USP28: variants seen among roughly 807,000 people sequenced by gnomAD.
The protein encoded by USP28 is ubiquitin carboxyl-terminal hydrolase 28.
Under a neutral mutation model 145.0 loss-of-function variants are expected in USP28, and 113 were observed. That is an observed-to-expected ratio of 0.78 (90% CI 0.67 to 0.91). The LOEUF (loss-of-function observed/expected upper bound fraction) is 0.91, where lower values mean the gene tolerates loss of function less well. Among genes scored for constraint, USP28 ranks in the 40% least tolerant of loss-of-function variants. The pLI, the probability that USP28 is intolerant of heterozygous loss-of-function variation, is 0.00. For missense variants in USP28, 1,201 were observed against 1,289.6 expected (o/e 0.93, Z 1.05); for synonymous variants, 447 against 450.9 (o/e 0.99, Z 0.11).
At chr11:113,850,223 G>C (rs929031428) in intron 3 of USP28, among the ~76,000 whole-genome samples, 1 of 151,990 alleles carries the variant, frequency 6.6e-6, no homozygotes, top group Non-Finnish European at 1.5e-5. Context: ...GAAGATAAGC[G>C]TATCTTAATA....
At chr11:113,834,148 G>T in intron 6 of USP28, 101 bp downstream of exon 6, 1 of 808,792 alleles carries the variant, frequency 1.2e-6, no homozygotes, top group Non-Finnish European at 1.9e-6. Context: ...ATTAGCACAA[G>T]CCAAAGAGTA....
chr11:113,873,228 G>T (rs929097111), intron 1 of USP28, among the ~76,000 whole-genome samples: 1 of 152,194 alleles, frequency 6.6e-6, no homozygotes, highest in African/African-American at 2.4e-5. Context: ...TACTTTTCCT[G>T]TAAGTTCCTT....
intron 19 of USP28, 33 bp from the exon 21 acceptor site, chr11:113,805,079 G>A: frequency 6.2e-7 from 1 of 1,604,520 alleles, no homozygotes; most frequent in East Asian, 2.2e-5. Flanking sequence ...TTAGAAAATA[G>A]TGTGCTGTGG....
At chr11:113,799,379 C>A in exon 25 of USP28, 1 of 1,614,172 alleles carries the variant, frequency 6.2e-7, no homozygotes, top group Non-Finnish European at 8.5e-7. Context: ...ATCTAGAAGT[C>A]TGGGTAGAAA....
At chr11:113,804,578 GT>G in intron 21 of USP28, 94 bp downstream of exon 22, 2 of 1,131,912 alleles carry the variant, frequency 1.8e-6, no homozygotes, top group African/African-American at 3.1e-5. Flanking sequence ...GAACAAGTCA[GT>G]TTGTAATAGC....
chr11:113,840,762 A>G lies in USP28; in HGVS notation c.375-5T>C, dbSNP rs751665706. ...GCAGAGGTTGCTTCATGCATCCTAT[A>G]TTGTGCAGCGTGCCACACAGCAAAA... On this transcript the variant is annotated splice_polypyrimidine_tract_variant and splice_region_variant and intron_variant, in intron 4 of 24. Coordinates refer to ENST00000003302, the Ensembl canonical transcript of USP28. The G allele has an allele frequency of 8.7e-6, 14 of 1,611,842 alleles. No homozygotes were observed. In the South Asian group the frequency reaches 1.5e-4, roughly 18 times the overall value.
At position 113,813,948 on chromosome 11, in the gene USP28, C is replaced by T. The variant is rs137875806; in HGVS notation, c.1680G>A (p.Lys560=). 19 of 1,605,176 alleles carry T rather than the reference C, an allele frequency of 1.2e-5. No individual in the cohort carries two copies. In the South Asian group the frequency reaches 2.1e-4, roughly 18 times the overall value. Residue 560 remains lysine (K), a synonymous_variant, in exon 15 of 25, where the codon AAG becomes AAA. Transcript: ENST00000003302. ...TCTGAGTAGTACTTGCAATACAAGT[C>T]TTTAAATCTGTTTGGAAAAAGAAAA...
At chr11:113,818,038 T>C (rs1459547685) in intron 12 of USP28, 2 of 466,890 alleles carry the variant, frequency 4.3e-6, no homozygotes, top group Non-Finnish European at 7.4e-6. Context: ...CAATCTGAAG[T>C]TTTATATCTG....
At chr11:113,818,375 T>C (rs575082302) in intron 12 of USP28, among the ~76,000 whole-genome samples, 2 of 152,042 alleles carry the variant, frequency 1.3e-5, no homozygotes, top group Admixed American at 6.5e-5. Flanking sequence ...ATGGTCTCGA[T>C]CTCCTGACTT....
chr11:113,825,190 G>A (rs958362961), intron 11 of USP28, among the ~76,000 whole-genome samples: 6 of 152,094 alleles, frequency 3.9e-5, no homozygotes, highest in Non-Finnish European at 5.9e-5. Flanking sequence ...CCAGACAACA[G>A]ACAGAACAGA....
chr11:113,806,022 G>A (rs1032658682), intron 19 of USP28, among the ~76,000 whole-genome samples: 18 of 151,864 alleles, frequency 1.2e-4, no homozygotes, highest in African/African-American at 4.1e-4. Flanking sequence ...TTGAACACCT[G>A]GGCTCAAGTG....
chr11:113,864,742 T>C (rs914827859), intron 1 of USP28, among the ~76,000 whole-genome samples: 3 of 152,252 alleles, frequency 2.0e-5, no homozygotes, highest in Admixed American at 6.5e-5. Flanking sequence ...ACTGATTCAA[T>C]GTTAATCTTA....
rs1946700312 is a variant in USP28, at chr11:113,853,399, C to A, written c.136-766G>T. ...ATGTTTTATGAGGAAACATTTCTAA[C>A]ATATATACCAGGAAAGGGAATAACA... On this transcript the variant is annotated intron_variant, in intron 2 of 24. Transcript: ENST00000003302. Among the ~76,000 whole-genome samples, 4 of 147,386 alleles carry A rather than the reference C, an allele frequency of 2.7e-5. No individual in the cohort carries two copies. In the South Asian group the frequency reaches 8.7e-4, roughly 32 times the overall value.
At chr11:113,868,102 A>G (rs190584548) in intron 1 of USP28, among the ~76,000 whole-genome samples, 20 of 152,298 alleles carry the variant, frequency 1.3e-4, no homozygotes, top group African/African-American at 4.6e-4. Flanking sequence ...CCTCCTGGCA[A>G]ATCTCAATCT....
intron 15 of USP28, among the ~76,000 whole-genome samples, chr11:113,813,068 T>C (rs1165080883): frequency 6.6e-6 from 1 of 152,148 alleles, no homozygotes; most frequent in Non-Finnish European, 1.5e-5. Context: ...ATAGAGAAAA[T>C]AGAGCAATGC....
intron 6 of USP28, 54 bp from the exon 7 acceptor site, chr11:113,833,611 A>C: frequency 6.5e-7 from 1 of 1,549,562 alleles, no homozygotes; most frequent in South Asian, 1.2e-5. Context: ...GAAAATCAGA[A>C]CGTGTAAAGA....
At chr11:113,861,480 G>C (rs1461006094) in intron 1 of USP28, among the ~76,000 whole-genome samples, 1 of 152,116 alleles carries the variant, frequency 6.6e-6, no homozygotes, top group East Asian at 1.9e-4. Context: ...TTAAAATTTA[G>C]CCACTATTAT....
At chr11:113,799,310 T>C in exon 25 of USP28, 4 of 1,614,188 alleles carry the variant, frequency 2.5e-6, no homozygotes, top group Non-Finnish European at 3.4e-6. Flanking sequence ...ACATAGGTCA[T>C]AGGGAGAATT....
intron 23 of USP28, among the ~76,000 whole-genome samples, 187 bp downstream of exon 24, chr11:113,802,971 G>T: frequency 6.6e-6 from 1 of 152,096 alleles, no homozygotes; most frequent in East Asian, 1.9e-4. Flanking sequence ...TATCATTGAA[G>T]AAGAATGACA....
Sources: allele counts gnomAD v4.1 joint callset (sites outside exome capture counted in the v4.1 genomes callset), GRCh38; gene constraint gnomAD v4.1.1; transcripts MANE v1.5; gene names NCBI Gene and HGNC (gene_info 2026-07-23, HGNC 2026-07-21).